Variants in LHX5 observed in about 807,000 individuals in gnomAD.
LHX5 encodes LIM/homeobox protein Lhx5.
A neutral mutation model predicts 30.6 loss-of-function variants in LHX5; 5 were observed. The observed-to-expected ratio is 0.16, with a 90% CI of 0.09 to 0.34. The LOEUF is 0.34. Ranked by LOEUF, LHX5 falls within the 10% of genes least tolerant of loss-of-function variation. The probability of loss-of-function intolerance (pLI) is 1.00; values close to 1 mark genes in which losing one functional copy is unlikely to be tolerated. For missense variants in LHX5, 458 were observed against 570.6 expected, an observed-to-expected ratio of 0.80 and a Z score of 2.01; for synonymous variants, 266 against 252.6, an observed-to-expected ratio of 1.05 and a Z score of -0.50.
chr12:113,463,009 G>A lies in LHX5; in HGVS notation c.*181C>T, dbSNP rs1056652728. The A allele has an allele frequency of 8.7e-5, 49 of 563,598 alleles. No homozygotes were observed. The highest frequency in any genetic ancestry group is 6.8e-4 in the Admixed American group (18 of 26,346). 34.9% of individuals were successfully genotyped at this position (563,598 alleles called of 1,614,324 possible). A position where few individuals can be genotyped will look rare whatever the true frequency, so the allele number is the denominator to read the frequency against. On this transcript the variant is annotated 3_prime_UTR_variant, in exon 5 of 5. Coordinates refer to ENST00000261731, the MANE Select transcript of LHX5 (RefSeq NM_022363.3). This position sits in a 1 kb window ranked among gnomAD's most constrained non-coding sequence, Gnocchi z 6.7. ...CCTGGAGAGCCCGCGGGGTGGAGAT[G>A]GGGGTCGGCCCCCCCTCGGCGCCCA...
chr12:113,468,150 C>T lies in LHX5; in HGVS notation c.652G>A (p.Gly218Ser). 6.2e-7 allele frequency: 1 copy of T among 1,602,458 alleles called. No homozygotes were observed. The highest frequency in any genetic ancestry group is 8.5e-7 in the Non-Finnish European group (1 of 1,175,802). ...HIREQLAQET[G>S]LNMRVIQVWF... ...ACCTGGATGACGCGCATGTTGAGGC[C>T]GGTCTCCTGCGCCAGCTGCTCGCGG... The change falls in exon 3 of 5, where the codon GGC becomes AGC. Residue 218 changes from glycine (G) to serine (S), a missense_variant. Coordinates refer to ENST00000261731, the MANE Select transcript of LHX5 (RefSeq NM_022363.3).
At position 113,463,319 on chromosome 12, in the gene LHX5, C is replaced by T; in HGVS notation, c.1080G>A (p.Thr360=). Residue 360 remains threonine, a synonymous_variant, in exon 5 of 5, where the codon ACG becomes ACA. Coordinates refer to ENST00000261731, the MANE Select transcript of LHX5 (RefSeq NM_022363.3). The surrounding 1 kb of genome is among the most constrained non-coding windows in gnomAD (Gnocchi z 6.7). ...ATACCTCGCCGGGCATGGGGTGCAG[C>T]GTGCCCGGCAGGCCTGGCTCGGGGC... ...TPSPEPGLPG[T]LHPMPGEVFS... is the part of the protein sequence containing the mutation. The T allele has an allele frequency of 6.5e-7, 1 of 1,536,980 alleles. No homozygotes were observed. Among genetic ancestry groups the T allele is most frequent in the Non-Finnish European group, 8.7e-7 (1 of 1,143,152 alleles).
At position 113,463,416 on chromosome 12, in the gene LHX5, G is replaced by C. The variant is rs1002933482; in HGVS notation, c.983C>G (p.Pro328Arg). 2.6e-6 allele frequency: 4 copies of C among 1,554,278 alleles called. No homozygotes were observed. The highest frequency in any genetic ancestry group is 3.5e-6 in the Non-Finnish European group (4 of 1,151,746). The change falls in exon 5 of 5, where the codon CCG becomes CGG. Residue 328 changes from proline (P) to arginine (R), a missense_variant. Physicochemically the swap from Pro to Arg is moderately radical, Grantham distance 103. Around this residue, in one of 3 missense-constraint regions of LHX5, gnomAD observed 255 missense variants for 246.8 expected, o/e 1.03. Transcript: ENST00000261731. The surrounding 1 kb of genome is among the most constrained non-coding windows in gnomAD (Gnocchi z 6.7). ...PGSTPLGALEPPLAGPHAADN... is the reference protein window; with the variant it reads ...PGSTPLGALERPLAGPHAADN... ...CGCGGCGTGCGGGCCGGCGAGCGGC[G>C]GTTCCAGCGCTCCCAGCGGCGTCGA...
rs1593327874 is a variant in LHX5, at chr12:113,467,224, T to G, written c.841+32A>C. The G allele has an allele frequency of 7.1e-7, 1 of 1,408,998 alleles. No homozygotes were observed. The highest frequency in any genetic ancestry group is 9.3e-7 in the Non-Finnish European group (1 of 1,069,642). The allele number at this position is 1,408,998 out of a possible 1,614,324, so 87.3% of individuals were successfully genotyped here. On this transcript the variant is annotated intron_variant, in intron 4 of 4. Transcript: ENST00000261731. The surrounding 1 kb of genome is among the most constrained non-coding windows in gnomAD (Gnocchi z 6.3). ...CCCTCAGCTCCCGGAATAGGACAGG[T>G]GCGGAACAGCGAATCCCGGGGCGCC... is the stretch of plus-strand genomic sequence containing the variant.
chr12:113,462,987 G>C lies in LHX5; in HGVS notation c.*203C>G. The C allele has an allele frequency of 7.5e-6, 4 of 531,750 alleles. No homozygotes were observed. In the South Asian group the frequency reaches 9.3e-5, roughly 12 times the overall value. The allele number at this position is 531,750 out of a possible 1,614,324, so 32.9% of individuals were successfully genotyped here. ...GTACTGGCGGTGGGCTGAGGCTCCTGGAGAGCCCGCGGGGTGGAGATGGGG... is the reference window on the plus strand; with the variant it reads ...GTACTGGCGGTGGGCTGAGGCTCCTCGAGAGCCCGCGGGGTGGAGATGGGG... On this transcript the variant is annotated 3_prime_UTR_variant, in exon 5 of 5. Transcript: ENST00000261731.
At chr12:113,468,694 C>T (rs1958229237) in intron 2 of LHX5, among the ~76,000 whole-genome samples, 1 of 152,244 alleles carries the variant, frequency 6.6e-6, no homozygotes, top group Admixed American at 6.5e-5. Flanking sequence ...AGAACTCCCA[C>T]TTTCAAGGAG....
rs764943118 is a variant in LHX5 at position 113,463,504 on chromosome 12, C to A, written c.895G>T (p.Gly299Cys). The part of the protein sequence containing the change: ...PGSNYDFFAH[G>C]PPSQAQSPAD... ...GGGGACTGCGCCTGCGAAGGCGGGC[C>A]GTGCGCGAAGAAGTCGTAGTTGCTT... Residue 299 changes from glycine (G) to cysteine (C), a missense_variant, in exon 5 of 5, where the codon GGC becomes TGC. Around this residue, in one of 3 missense-constraint regions of LHX5, gnomAD observed 255 missense variants for 246.8 expected, o/e 1.03. Coordinates refer to ENST00000261731, the MANE Select transcript of LHX5 (RefSeq NM_022363.3). The surrounding 1 kb of genome is among the most constrained non-coding windows in gnomAD (Gnocchi z 6.7). 26 of 1,565,246 alleles carry A rather than the reference C, an allele frequency of 1.7e-5. No individual in the cohort carries two copies. The highest frequency in any genetic ancestry group is 1.5e-4 in the South Asian group (13 of 86,556).
chr12:113,467,272 C>A lies in LHX5; in HGVS notation c.825G>T (p.Pro275=). The A allele has an allele frequency of 2.0e-6, 3 of 1,496,556 alleles. No homozygotes were observed. The highest frequency in any genetic ancestry group is 2.7e-6 in the Non-Finnish European group (3 of 1,111,624). The allele number at this position is 1,496,556 out of a possible 1,614,324, so 92.7% of individuals were successfully genotyped here. ...LDESEMLGST[P]YTYYGDYQGD... ...GCCCCTTACCTCCGTAGTAGGTGTA[C>A]GGGGTGGACCCCAACATCTCAGACT... Residue 275 remains proline (P), a synonymous_variant, in exon 4 of 5, where the codon CCG becomes CCT. Coordinates refer to ENST00000261731, the MANE Select transcript of LHX5 (RefSeq NM_022363.3). This position sits in a 1 kb window ranked among gnomAD's most constrained non-coding sequence, Gnocchi z 6.3.
chr12:113,470,576 C>T (rs957713382), intron 1 of LHX5, among the ~76,000 whole-genome samples: 12 of 152,206 alleles, frequency 7.9e-5, no homozygotes, highest in Non-Finnish European at 5.9e-5. Context: ...GTTCACAAAG[C>T]CGGCTCTGGG....
rs1007685603 is a variant in LHX5, at chr12:113,466,355, G to A, written c.841+901C>T. Among the ~76,000 whole-genome samples, 1 of 152,194 alleles carries A rather than the reference G, an allele frequency of 6.6e-6. No homozygotes were observed. The highest frequency in any genetic ancestry group is 1.5e-5 in the Non-Finnish European group (1 of 68,034). On this transcript the variant is annotated intron_variant, in intron 4 of 4. Transcript: ENST00000261731. This position sits in a 1 kb window ranked among gnomAD's most constrained non-coding sequence, Gnocchi z 6.5. The stretch of plus-strand genomic sequence containing the variant: ...GTAAGGAGCTGAAAAAATCGGATAG[G>A]GGGAGTTGGGATGGCTCACCAATCC...
In LHX5 at chr12:113,470,820, G is replaced by C. The variant is rs145199568; in HGVS notation, c.173+506C>G. Among the ~76,000 whole-genome samples, 397 of 152,364 alleles carry C rather than the reference G, an allele frequency of 2.6e-3. 3 individuals carry two copies. The highest frequency in any genetic ancestry group is 8.9e-3 in the African/African-American group (372 of 41,588). ...ATGTTTAAGGGGTTGGGAGGTGGGT[G>C]GGGGAGGTTCTCTCCTCCCATCACC... On this transcript the variant is annotated intron_variant, in intron 1 of 4. Coordinates refer to ENST00000261731, the MANE Select transcript of LHX5 (RefSeq NM_022363.3).
In LHX5 at chr12:113,464,873, C is replaced by A. The variant is rs931529763; in HGVS notation, c.842-1316G>T. Among the ~76,000 whole-genome samples the A allele has an allele frequency of 2.0e-5, 3 of 152,334 alleles. No individual in the cohort carries two copies. Among genetic ancestry groups the A allele is most frequent in the African/African-American group, 7.2e-5 (3 of 41,584 alleles). ...ATCTGTATCAACTCTCTGACCGCCC[C>A]ACATAGCCCCTTTTCCAGAACCTTC... On this transcript the variant is annotated intron_variant, in intron 4 of 4. Coordinates refer to ENST00000261731, the MANE Select transcript of LHX5 (RefSeq NM_022363.3). The surrounding 1 kb of genome is among the most constrained non-coding windows in gnomAD (Gnocchi z 6.2).
At chr12:113,469,369 C>T in intron 1 of LHX5, 24 bp from the exon 2 acceptor site, 1 of 1,601,540 alleles carries the variant, frequency 6.2e-7, no homozygotes, top group Non-Finnish European at 8.5e-7. Context: ...GTGCCTGTCA[C>T]TATGGGGTGG....
rs1030989782 is a variant in LHX5 at position 113,471,825 on chromosome 12, C to G, written c.-327G>C. 5.9e-6 allele frequency: 2 copies of G among 336,148 alleles called. No homozygotes were observed. Among genetic ancestry groups the G allele is most frequent in the Non-Finnish European group, 1.1e-5 (2 of 185,888 alleles). The allele number at this position is 336,148 out of a possible 1,614,324, so 20.8% of individuals were successfully genotyped here. On this transcript the variant is annotated 5_prime_UTR_variant, in exon 1 of 5. Transcript: ENST00000261731. ...CGGCTTTCCCCGGTGGCGGAGGCGC[C>G]GGCACTTTCCCCCACTTTCAAGCGG...
rs2136975189 is a variant in LHX5, at chr12:113,462,996, G to T, written c.*194C>A. On this transcript the variant is annotated 3_prime_UTR_variant, in exon 5 of 5. Coordinates refer to ENST00000261731, the MANE Select transcript of LHX5 (RefSeq NM_022363.3). ...GTGGGCTGAGGCTCCTGGAGAGCCC[G>T]CGGGGTGGAGATGGGGGTCGGCCCC... is the stretch of plus-strand genomic sequence containing the variant. 1.9e-6 allele frequency: 1 copy of T among 540,436 alleles called. No individual in the cohort carries two copies. Among genetic ancestry groups the T allele is most frequent in the Non-Finnish European group, 3.2e-6 (1 of 313,816 alleles). The allele number at this position is 540,436 out of a possible 1,614,324, so 33.5% of individuals were successfully genotyped here. A position where few individuals can be genotyped will look rare whatever the true frequency, so the allele number is the denominator to read the frequency against.
rs758226838 is a variant in LHX5 at position 113,465,998 on chromosome 12, GC to G, written c.841+1257del. ...GGCATTTTGCCCACAATTTCTAGGG[GC>G]CCCGGTCCGGTCTCAAGGTCTAATC... On this transcript the variant is annotated intron_variant, in intron 4 of 4. Transcript: ENST00000261731. The surrounding 1 kb of genome is among the most constrained non-coding windows in gnomAD (Gnocchi z 6.7). 2.6e-5 allele frequency among the ~76,000 whole-genome samples: 4 copies of G among 152,138 alleles called. No homozygotes were observed. The highest frequency in any genetic ancestry group is 7.2e-5 in the African/African-American group (3 of 41,404).
In LHX5 at chr12:113,463,430, C is replaced by A; in HGVS notation, c.969G>T (p.Leu323=). 6.4e-7 allele frequency: 1 copy of A among 1,553,888 alleles called. No homozygotes were observed. Among genetic ancestry groups the A allele is most frequent in the Non-Finnish European group, 8.7e-7 (1 of 1,152,236 alleles). Residue 323 remains leucine, a synonymous_variant, in exon 5 of 5, where the codon CTG becomes CTT. Transcript: ENST00000261731. This position sits in a 1 kb window ranked among gnomAD's most constrained non-coding sequence, Gnocchi z 6.7. The stretch of plus-strand genomic sequence containing the variant: ...CGGCGAGCGGCGGTTCCAGCGCTCC[C>A]AGCGGCGTCGAGCCGGGGCCAGAGG... ...LAASGPGSTP[L]GALEPPLAGP... is the part of the protein sequence containing the mutation.
chr12:113,463,441 A>C lies in LHX5; in HGVS notation c.958T>G (p.Ser320Ala), dbSNP rs775552113. ...GGTTCCAGCGCTCCCAGCGGCGTCGAGCCGGGGCCAGAGGCCGCCAGGAAG... is the reference window on the plus strand; with the variant it reads ...GGTTCCAGCGCTCCCAGCGGCGTCGCGCCGGGGCCAGAGGCCGCCAGGAAG... The part of the protein sequence containing the change: ...SSFLAASGPG[S>A]TPLGALEPPL... The change falls in exon 5 of 5, where the codon TCG becomes GCG. Residue 320 changes from serine (S) to alanine (A), a missense_variant. This residue lies in a region of LHX5 where 255 missense variants were observed against 246.8 expected (regional missense o/e 1.03). Transcript: ENST00000261731. This position sits in a 1 kb window ranked among gnomAD's most constrained non-coding sequence, Gnocchi z 6.7. The C allele has an allele frequency of 2.6e-6, 4 of 1,554,444 alleles. No individual in the cohort carries two copies. In the African/African-American group the frequency reaches 5.5e-5, roughly 21 times the overall value.
At position 113,463,253 on chromosome 12, in the gene LHX5, G is replaced by A; in HGVS notation, c.1146C>T (p.Thr382=). ...GCGACAGGGGTCCGCTGTAGCCGCT[G>A]GTGCCGCTCATTGGGAAGGGCGGGC... ...GPSPPFPMSG[T]SGYSGPLSHP... is the part of the protein sequence containing the mutation. Residue 382 remains threonine, a synonymous_variant, in exon 5 of 5, where the codon ACC becomes ACT. Transcript: ENST00000261731. This position sits in a 1 kb window ranked among gnomAD's most constrained non-coding sequence, Gnocchi z 6.7. 2 of 1,527,516 alleles carry A rather than the reference G, an allele frequency of 1.3e-6. No individual in the cohort carries two copies. The highest frequency in any genetic ancestry group is 1.8e-6 in the Non-Finnish European group (2 of 1,141,684). The allele number at this position is 1,527,516 out of a possible 1,614,324, so 94.6% of individuals were successfully genotyped here. A position where few individuals can be genotyped will look rare whatever the true frequency, so the allele number is the denominator to read the frequency against.
Sources: allele counts gnomAD v4.1 joint callset (sites outside exome capture counted in the v4.1 genomes callset), GRCh38; gene constraint gnomAD v4.1.1; regional missense constraint gnomAD v4.1.1; non-coding constraint Gnocchi (gnomAD v3.1); transcripts MANE v1.5; gene names NCBI Gene and HGNC (gene_info 2026-07-23, HGNC 2026-07-21).